Variants in SND1 observed in about 807,000 individuals in gnomAD.
The protein encoded by SND1 is staphylococcal nuclease domain-containing protein 1.
SND1 carries 38 observed loss-of-function variants against 121.7 expected under a neutral mutation model. That is an observed-to-expected ratio of 0.31 (90% CI 0.24 to 0.41). The LOEUF (loss-of-function observed/expected upper bound fraction) is 0.41. Among genes scored for constraint, SND1 ranks in the 10% least tolerant of loss-of-function variants. The pLI, the probability that SND1 is intolerant of heterozygous loss-of-function variation, is 1.00. For missense variants in SND1, 868 were observed against 1,184.6 expected, an observed-to-expected ratio of 0.73 and a Z score of 3.92; for synonymous variants, 401 against 447.4, an observed-to-expected ratio of 0.90 and a Z score of 1.31.
At chr7:127,962,777 G>A (rs1801763316) in intron 15 of SND1, among the ~76,000 whole-genome samples, 1 of 152,214 alleles carries the variant, frequency 6.6e-6, no homozygotes, top group Admixed American at 6.5e-5. Context: ...GAGTGGCATT[G>A]TCATAGTTAC....
chr7:127,729,851 C>T (rs1440329118), intron 10 of SND1, among the ~76,000 whole-genome samples: 2 of 152,132 alleles, frequency 1.3e-5, no homozygotes, highest in African/African-American at 2.4e-5. Flanking sequence ...AAATGATTTC[C>T]CTACCAGATG....
chr7:127,783,975 T>C (rs1296119138), intron 10 of SND1, among the ~76,000 whole-genome samples: 4 of 152,242 alleles, frequency 2.6e-5, no homozygotes, highest in African/African-American at 9.6e-5. Flanking sequence ...CATGGATTAA[T>C]GTTACCACAT....
chr7:127,769,682 T>G (rs1248800035), intron 10 of SND1, among the ~76,000 whole-genome samples: 4 of 152,104 alleles, frequency 2.6e-5, no homozygotes, highest in African/African-American at 9.7e-5. Context: ...AAAAAAAATC[T>G]GGGTGTTTGT....
chr7:127,853,678 C>T (rs185233392), intron 12 of SND1, among the ~76,000 whole-genome samples: 380 of 152,262 alleles, frequency 2.5e-3, no homozygotes, highest in South Asian at 4.4e-3. Flanking sequence ...GCCTGGGCTT[C>T]AAAGTTCCAT....
chr7:127,658,559 A>T (rs1206846659), intron 1 of SND1, among the ~76,000 whole-genome samples: 3 of 152,216 alleles, frequency 2.0e-5, no homozygotes, highest in Non-Finnish European at 2.9e-5. Context: ...TTGTTACTAC[A>T]TGGAATTTAC....
At chr7:127,655,281 T>A (rs1236553767) in intron 1 of SND1, among the ~76,000 whole-genome samples, 1 of 152,232 alleles carries the variant, frequency 6.6e-6, no homozygotes, top group Non-Finnish European at 1.5e-5. Context: ...GCTATCCTGT[T>A]AAGTCCTACA....
intron 16 of SND1, among the ~76,000 whole-genome samples, chr7:128,071,816 G>T (rs1483109283): frequency 2.6e-5 from 4 of 152,208 alleles, no homozygotes; most frequent in African/African-American, 9.7e-5. Context: ...AGGGAACAGA[G>T]CCCCATGGGC....
Position 127,804,742 on chromosome 7 carries a change from TA to T in SND1, c.1153-2729del, listed in dbSNP as rs147212512. 6.7e-3 allele frequency among the ~76,000 whole-genome samples: 979 copies of T among 147,200 alleles called. 5 individuals carry two copies. The highest frequency in any genetic ancestry group is 0.017 in the Middle Eastern group (5 of 290). On this transcript the variant is annotated intron_variant, in intron 10 of 23. Coordinates refer to ENST00000354725, the MANE Select transcript of SND1 (RefSeq NM_014390.4). The stretch of plus-strand genomic sequence containing the variant: ...GCAACATAGTAAGACCCCATATCTT[TA>T]AAAAAAAAAAAATGTAGGTAAGTTG...
chr7:128,040,082 A>G (rs1442226381), intron 16 of SND1, among the ~76,000 whole-genome samples: 2 of 152,124 alleles, frequency 1.3e-5, no homozygotes, highest in Non-Finnish European at 2.9e-5. Flanking sequence ...GAAGAATTCC[A>G]TCAACGAACC....
At chr7:127,857,883 G>T in intron 12 of SND1, 1 of 1,350,206 alleles carries the variant, frequency 7.4e-7, no homozygotes. Context: ...GTTTGGAGTT[G>T]TAGAACTGAC....
Position 127,771,986 on chromosome 7 carries a change from A to G in SND1, c.1153-35498A>G, listed in dbSNP as rs532399016. Among the ~76,000 whole-genome samples, 4 of 152,294 alleles carry G rather than the reference A, an allele frequency of 2.6e-5. No individual in the cohort carries two copies. The East Asian group carries it at 7.7e-4, about 29-fold the overall frequency. ...TACTTTCCTATCCATCAGATAATGT[A>G]TGCAACACTTCAGAGTTTATGTAAC... On this transcript the variant is annotated intron_variant, in intron 10 of 23. Coordinates refer to ENST00000354725, the MANE Select transcript of SND1 (RefSeq NM_014390.4).
At chr7:128,011,413 C>T (rs995745091) in intron 16 of SND1, among the ~76,000 whole-genome samples, 5 of 152,326 alleles carry the variant, frequency 3.3e-5, no homozygotes, top group African/African-American at 1.2e-4. Context: ...ACAAAGGATT[C>T]AGTTCTATGC....
At chr7:127,726,434 G>A (rs1243948006) in intron 10 of SND1, among the ~76,000 whole-genome samples, 2 of 152,236 alleles carry the variant, frequency 1.3e-5, no homozygotes. Context: ...TGATGCTCTT[G>A]TGAACCTGGC....
chr7:127,715,722 A>G (rs561562042), intron 9 of SND1, among the ~76,000 whole-genome samples: 19 of 152,134 alleles, frequency 1.2e-4, no homozygotes, highest in African/African-American at 4.6e-4. Context: ...ATTTTCATGA[A>G]ATCTAATTTG....
At chr7:128,059,696 C>A (rs1348915702) in intron 16 of SND1, among the ~76,000 whole-genome samples, 1 of 152,220 alleles carries the variant, frequency 6.6e-6, no homozygotes, top group Non-Finnish European at 1.5e-5. Context: ...TACTGTGGTA[C>A]AGGTTTAACC....
At chr7:127,699,373 T>TAGATATA (rs1474234131) in intron 4 of SND1, among the ~76,000 whole-genome samples, 5 of 152,180 alleles carry the variant, frequency 3.3e-5, no homozygotes, top group African/African-American at 1.2e-4. Context: ...AGTAAACAAG[T>TAGATATA]AGATATACAG....
intron 14 of SND1, among the ~76,000 whole-genome samples, chr7:127,917,737 G>C (rs932140904): frequency 6.6e-6 from 1 of 152,054 alleles, no homozygotes; most frequent in African/African-American, 2.4e-5. Context: ...TAAACTCTTA[G>C]TCCTTAGAAA....
intron 11 of SND1, among the ~76,000 whole-genome samples, chr7:127,835,219 TC>T (rs1471509780): frequency 6.6e-6 from 1 of 152,188 alleles, no homozygotes; most frequent in African/African-American, 2.4e-5. Context: ...ATATTCTTGT[TC>T]CTCTCATCAT....
At chr7:127,762,930 A>G (rs954896295) in intron 10 of SND1, among the ~76,000 whole-genome samples, 95 of 152,240 alleles carry the variant, frequency 6.2e-4, no homozygotes, top group Non-Finnish European at 2.6e-4. Flanking sequence ...ACTTCATCAA[A>G]TGTACATAAT....
Sources: allele counts gnomAD v4.1 joint callset (sites outside exome capture counted in the v4.1 genomes callset), GRCh38; gene constraint gnomAD v4.1.1; transcripts MANE v1.5; gene names NCBI Gene and HGNC (gene_info 2026-07-23, HGNC 2026-07-21).